The following RPIA variants were observed in gnomAD, a reference collection of about 807,000 sequenced individuals.
RPIA encodes the protein ribose 5-phosphate isomerase A, also known as ribose-5-phosphate isomerase.
Under a neutral mutation model 37.8 loss-of-function variants are expected in RPIA, and 29 were observed. That is an observed-to-expected ratio of 0.77 (90% confidence interval 0.57 to 1.05). RPIA has a LOEUF of 1.05. RPIA is among the 50% of genes least tolerant of loss of function. RPIA has a pLI of 0.00. For synonymous variants in RPIA, 167 were observed against 157.0 expected (o/e 1.06, Z -0.48); for missense variants, 385 against 413.6 (o/e 0.93, Z 0.60).
intron 3 of RPIA, among the ~76,000 whole-genome samples, chr2:88,716,012 C>T (rs1160061846): frequency 6.6e-6 from 1 of 152,100 alleles, no homozygotes; most frequent in African/African-American, 2.4e-5. Context: ...TACATACCTC[C>T]CTCAAAATTT....
chr2:88,700,132 A>G lies in RPIA; in HGVS notation c.402+68A>G, dbSNP rs1672810515. The G allele has an allele frequency of 3.4e-6, 5 of 1,472,122 alleles. No individual in the cohort carries two copies. The African/African-American group carries it at 4.2e-5, about 12-fold the overall frequency. 91.2% of individuals were successfully genotyped at this position (1,472,122 alleles called of 1,614,324 possible). On this transcript the variant is annotated intron_variant, in intron 3 of 8. Coordinates refer to ENST00000283646, the MANE Select transcript of RPIA (RefSeq NM_144563.3). ...ATCTTCTGGTTCCCCGGGGTTGTGGACCTATGGCCTTGTCTTGTACCTCAA... is the reference window on the plus strand; with the variant it reads ...ATCTTCTGGTTCCCCGGGGTTGTGGGCCTATGGCCTTGTCTTGTACCTCAA...
At chr2:88,704,588 A>C (rs1672875614) in intron 3 of RPIA, among the ~76,000 whole-genome samples, 1 of 152,234 alleles carries the variant, frequency 6.6e-6, no homozygotes, top group African/African-American at 2.4e-5. Flanking sequence ...GTGCAATTCA[A>C]GATGAGATTT....
In RPIA at chr2:88,700,159, G is replaced by A. The variant is rs894193991; in HGVS notation, c.402+95G>A. ...CTATGGCCTTGTCTTGTACCTCAAG[G>A]TTGTTCTAGGTCAGAGAGTCCAGGA... On this transcript the variant is annotated intron_variant, in intron 3 of 8. Coordinates refer to ENST00000283646, the MANE Select transcript of RPIA (RefSeq NM_144563.3). The A allele has an allele frequency of 5.4e-5, 63 of 1,164,032 alleles. No individual in the cohort carries two copies. The Middle Eastern group carries it at 5.8e-4, about 11-fold the overall frequency. 72.1% of individuals were successfully genotyped at this position (1,164,032 alleles called of 1,614,324 possible).
intron 1 of RPIA, among the ~76,000 whole-genome samples, chr2:88,697,642 G>A (rs1324131934): frequency 6.6e-6 from 1 of 152,100 alleles, no homozygotes; most frequent in Admixed American, 6.5e-5. Context: ...GGTAGGCTCC[G>A]TATTGTGATG....
intron 6 of RPIA, among the ~76,000 whole-genome samples, chr2:88,736,184 A>C (rs764602735): frequency 6.6e-6 from 1 of 152,182 alleles, no homozygotes; most frequent in Non-Finnish European, 1.5e-5. Context: ...AGGCTCTCAG[A>C]TGCTCCTTCA....
chr2:88,736,404 C>T, intron 6 of RPIA, 131 bp from the exon 7 acceptor site: 1 of 818,784 alleles, frequency 1.2e-6, no homozygotes, highest in Non-Finnish European at 2.1e-6. Context: ...CATTTGTAGC[C>T]CCATGTATAT....
At chr2:88,713,808 T>C (rs1179058661) in intron 3 of RPIA, among the ~76,000 whole-genome samples, 2 of 152,222 alleles carry the variant, frequency 1.3e-5, no homozygotes, top group South Asian at 2.1e-4. Context: ...CTGACCCTTT[T>C]ATTGAGCTTT....
chr2:88,736,432 C>T (rs1013823773), intron 6 of RPIA, 103 bp from the exon 7 acceptor site: 13 of 1,278,142 alleles, frequency 1.0e-5, no homozygotes, highest in Non-Finnish European at 1.5e-5. Context: ...GATCACTTTC[C>T]TTGCCTTCCC....
At chr2:88,701,734 T>A in intron 3 of RPIA, among the ~76,000 whole-genome samples, 1 of 103,222 alleles carries the variant, frequency 9.7e-6, no homozygotes, top group East Asian at 2.8e-4. Flanking sequence ...TCCCTTTCTG[T>A]TGTAATTCAG....
chr2:88,745,113 A>G (rs1364214792), intron 8 of RPIA, among the ~76,000 whole-genome samples: 2 of 152,082 alleles, frequency 1.3e-5, no homozygotes, highest in African/African-American at 2.4e-5. Flanking sequence ...GCCCGCCACC[A>G]TGACTGGCTA....
chr2:88,715,336 A>G (rs1202347889), intron 3 of RPIA, among the ~76,000 whole-genome samples: 1 of 152,138 alleles, frequency 6.6e-6, no homozygotes, highest in Non-Finnish European at 1.5e-5. Context: ...GTTGATGTCA[A>G]CTCTTCAGCT....
intron 8 of RPIA, among the ~76,000 whole-genome samples, chr2:88,740,420 T>C (rs1329585194): frequency 6.6e-6 from 1 of 152,220 alleles, no homozygotes; most frequent in East Asian, 1.9e-4. Context: ...AGTGGTTTGC[T>C]GTATCTTTTC....
At chr2:88,713,343 C>T (rs575781544) in intron 3 of RPIA, among the ~76,000 whole-genome samples, 5 of 151,220 alleles carry the variant, frequency 3.3e-5, no homozygotes, top group East Asian at 1.9e-4. Context: ...TATCTTTATG[C>T]GACTTTTCCT....
At chr2:88,715,462 A>C (rs115669009) in intron 3 of RPIA, among the ~76,000 whole-genome samples, 1 of 152,240 alleles carries the variant, frequency 6.6e-6, no homozygotes, top group Non-Finnish European at 1.5e-5. Context: ...TTAAAAGCCC[A>C]TGACTCTAAT....
chr2:88,698,368 T>C (rs898606136), intron 1 of RPIA, 116 bp from the exon 2 acceptor site: 7 of 888,028 alleles, frequency 7.9e-6, no homozygotes. Context: ...ACCTGTCTTG[T>C]ACCTGTGTTG....
intron 5 of RPIA, among the ~76,000 whole-genome samples, chr2:88,735,117 C>G (rs1673299232): frequency 6.6e-6 from 1 of 152,208 alleles, no homozygotes; most frequent in African/African-American, 2.4e-5. Context: ...ATCAAGCAGA[C>G]TATTGAGTGA....
intron 3 of RPIA, among the ~76,000 whole-genome samples, chr2:88,722,950 T>C (rs1216839997): frequency 6.6e-6 from 1 of 152,246 alleles, no homozygotes. Flanking sequence ...AACATTTGTT[T>C]GTTTTTTTAA....
At chr2:88,712,279 GC>G (rs1484220651) in intron 3 of RPIA, among the ~76,000 whole-genome samples, 3 of 152,168 alleles carry the variant, frequency 2.0e-5, no homozygotes, top group Non-Finnish European at 4.4e-5. Context: ...CATCTGATAG[GC>G]AAGAAGGTTA....
chr2:88,720,368 A>G (rs1673105055), intron 3 of RPIA, among the ~76,000 whole-genome samples: 2 of 152,168 alleles, frequency 1.3e-5, no homozygotes, highest in Admixed American at 6.5e-5. Flanking sequence ...AGTGTACAGA[A>G]TATTATGTTG....
Sources: gnomAD v4.1 joint callset for allele counts (sites outside exome capture counted in the v4.1 genomes callset) on GRCh38, gnomAD v4.1.1 for gene constraint, MANE v1.5 for transcripts, NCBI Gene and HGNC (gene_info 2026-07-23, HGNC 2026-07-21) for gene names.